Variants in MPZ observed in about 807,000 individuals in gnomAD.
MPZ encodes myelin protein P0.
In MPZ, 13 loss-of-function variants were observed where a neutral mutation model predicts 27.9. The ratio of observed to expected loss-of-function variants is 0.47; its 90% CI spans 0.30 to 0.74. The LOEUF (loss-of-function observed/expected upper bound fraction) is 0.74. Ranked by LOEUF, MPZ falls within the 30% of genes least tolerant of loss-of-function variation. MPZ has a pLI of 0.06. For synonymous variants in MPZ, 118 were observed against 128.9 expected (o/e 0.92, Z 0.57); for missense variants, 256 against 317.5 (o/e 0.81, Z 1.47).
rs765275777 is a variant in MPZ, at chr1:161,305,855, C to T, written c.*21G>A. 6.3e-7 allele frequency: 1 copy of T among 1,586,260 alleles called. No individual in the cohort carries two copies. Among genetic ancestry groups the T allele is most frequent in the Non-Finnish European group, 8.6e-7 (1 of 1,157,848 alleles). On this transcript the variant is annotated 3_prime_UTR_variant, in exon 6 of 6. Transcript: ENST00000533357. ...CGGACTCCACCCCTAACCCCCGATC[C>T]CCCGCCCGGCCCGCTAACCGCTATT...
chr1:161,309,553 T>TATATATATATATATATATA (rs1553259997), intron 1 of MPZ, among the ~76,000 whole-genome samples: 8 of 69,826 alleles, frequency 1.1e-4, no homozygotes, highest in Non-Finnish European at 1.8e-4. Flanking sequence ...TATATATATA[T>TATATATATATATATATATA]TTTTTTTTTT....
intron 1 of MPZ, among the ~76,000 whole-genome samples, chr1:161,309,520 A>G (rs1459042707): frequency 7.8e-6 from 1 of 128,784 alleles, no homozygotes; most frequent in Non-Finnish European, 1.6e-5. Flanking sequence ...CTCTAAATGC[A>G]TATTTTTTTC....
rs775114799 is a variant in MPZ at position 161,306,954 on chromosome 1, C to CATG, written c.235-34_235-33insCAT. On this transcript the variant is annotated intron_variant, in intron 2 of 5. Transcript: ENST00000533357. ...GAATGAGGGGAAGCATGTGAGAGGA[C>CATG]CCTAATGAGAACACAGCTGTCAAAG... The CATG allele has an allele frequency of 2.3e-5, 33 of 1,459,360 alleles. 1 individual carries two copies. In the South Asian group the frequency reaches 3.6e-4, roughly 16 times the overall value. 90.4% of individuals were successfully genotyped at this position (1,459,360 alleles called of 1,614,324 possible). A position where few individuals can be genotyped will look rare whatever the true frequency, so the allele number is the denominator to read the frequency against.
chr1:161,309,552 A>ATATATATATATATATTTTTT, intron 1 of MPZ, among the ~76,000 whole-genome samples: 4 of 80,646 alleles, frequency 5.0e-5, no homozygotes, highest in African/African-American at 2.3e-4. Flanking sequence ...ATATATATAT[A>ATATATATATATATATTTTTT]TTTTTTTTTT....
At chr1:161,308,253 A>G (rs1330205539) in intron 1 of MPZ, among the ~76,000 whole-genome samples, 2 of 152,192 alleles carry the variant, frequency 1.3e-5, no homozygotes, top group Non-Finnish European at 2.9e-5. Context: ...CTGGAGAGTC[A>G]GGAAGGGAAG....
rs121913584 is a variant in MPZ, at chr1:161,306,886, G to A, written c.270C>T (p.Asp90=). Residue 90 remains aspartate, a synonymous_variant, in exon 3 of 6, where the codon GAC becomes GAT. Transcript: ENST00000533357. ...TGCGCTCTTTGAAGGTCCCCACCTC[G>A]TCAATGTAGGGTTGTCCCTTGGCAT... ...FHYAKGQPYI[D]EVGTFKERIQ... 32 of 1,613,574 alleles carry A rather than the reference G, an allele frequency of 2.0e-5. No homozygotes were observed. The African/African-American group carries it at 3.5e-4, about 18-fold the overall frequency.
Position 161,304,837 on chromosome 1 carries a change from T to G in MPZ, c.*1039A>C, listed in dbSNP as rs1571815575. On this transcript the variant is annotated 3_prime_UTR_variant, in exon 6 of 6. Transcript: ENST00000533357. ...TCCTAAGAATCCCCTGTGGCTGCAG[T>G]GCAGCCTCTTCCTCCCCCCCGCCCC... The G allele has an allele frequency of 1.3e-5, 2 of 152,672 alleles. No individual in the cohort carries two copies. Among genetic ancestry groups the G allele is most frequent in the Admixed American group, 6.5e-5 (1 of 15,280 alleles). 9.5% of individuals were successfully genotyped at this position (152,672 alleles called of 1,614,324 possible). A position where few individuals can be genotyped will look rare whatever the true frequency, so the allele number is the denominator to read the frequency against.
rs946514874 is a variant in MPZ at position 161,306,319 on chromosome 1, C to T, written c.584+10G>A. The T allele has an allele frequency of 6.2e-7, 1 of 1,614,160 alleles. No individual in the cohort carries two copies. ...GGAGAGGGGGAGGGGAGCTAGGCTC[C>T]GCCCCTTACCTGAGCCTCCTCTGCA... On this transcript the variant is annotated intron_variant, in intron 4 of 5. Coordinates refer to ENST00000533357, the MANE Select transcript of MPZ (RefSeq NM_000530.8).
chr1:161,309,797 A>T (rs1351607559), intron 1 of MPZ, 42 bp downstream of exon 1: 1 of 1,503,214 alleles, frequency 6.7e-7, no homozygotes, highest in South Asian at 1.2e-5. Context: ...GCTGAGAGAC[A>T]CCTGAGTCCC....
chr1:161,308,664 A>G (rs1431579975), intron 1 of MPZ, among the ~76,000 whole-genome samples: 1 of 152,174 alleles, frequency 6.6e-6, no homozygotes, highest in Non-Finnish European at 1.5e-5. Flanking sequence ...TTGTTTAACA[A>G]GGGAGATAAT....
rs1571819182 is a variant in MPZ at position 161,306,860 on chromosome 1, A to G, written c.296T>C (p.Ile99Thr). 6.2e-7 allele frequency: 1 copy of G among 1,613,944 alleles called. No individual in the cohort carries two copies. The highest frequency in any genetic ancestry group is 8.5e-7 in the Non-Finnish European group (1 of 1,180,010). ...CCAGCGAGGGTCCCCTACCCACTGG[A>G]TGCGCTCTTTGAAGGTCCCCACCTC... ...IDEVGTFKER[I>T]QWVGDPRWKD... Residue 99 changes from isoleucine to threonine, a missense_variant, in exon 3 of 6, where the codon ATC (isoleucine) becomes ACC (threonine). By Grantham distance (89) the Ile-to-Thr change is moderately conservative. This residue lies in a region of MPZ where 155 missense variants were observed against 223.9 expected (regional missense o/e 0.69). Coordinates refer to ENST00000533357, the MANE Select transcript of MPZ (RefSeq NM_000530.8).
intron 1 of MPZ, among the ~76,000 whole-genome samples, chr1:161,309,567 G>GAATTTTTTTT (rs1670352724): frequency 3.8e-5 from 2 of 52,584 alleles, no homozygotes; most frequent in South Asian, 4.7e-4. Flanking sequence ...TTTTTTTTTT[G>GAATTTTTTTT]AATTTTACAG....
Position 161,306,454 on chromosome 1 carries a change from C to G in MPZ, c.459G>C (p.Arg153Ser). 1.2e-6 allele frequency: 2 copies of G among 1,614,230 alleles called. No individual in the cohort carries two copies. Among genetic ancestry groups the G allele is most frequent in the Non-Finnish European group, 1.7e-6 (2 of 1,180,048 alleles). ...TCACAGCTCCCAGAACGACCCCGTA[C>G]CTAGTTGGCACTAGGAGGGGTGGGA... ...TLYVFEKVPT[R>S]YGVVLGAVIG... is the part of the protein sequence containing the mutation. The change falls in exon 4 of 6, where the codon AGG (arginine) becomes AGC (serine). Residue 153 changes from arginine (R) to serine (S), a missense_variant. Coordinates refer to ENST00000533357, the MANE Select transcript of MPZ (RefSeq NM_000530.8).
chr1:161,306,397 C>T lies in MPZ; in HGVS notation c.516G>A (p.Leu172=), dbSNP rs746808512. 2 of 1,614,214 alleles carry T rather than the reference C, an allele frequency of 1.2e-6. No homozygotes were observed. Among genetic ancestry groups the T allele is most frequent in the African/African-American group, 1.3e-5 (1 of 75,050 alleles). The change falls in exon 4 of 6, where the codon CTG becomes CTA. Residue 172 remains leucine, a synonymous_variant. Transcript: ENST00000533357. ...IGGVLGVVLL[L]LLLFYVVRYC... is the part of the protein sequence containing the mutation. ...ACCGAACCACGTAGAAAAGCAGCAG[C>T]AGCAACAGCACCACCCCGAGGACAC...
At chr1:161,308,042 A>G (rs1670305536) in intron 1 of MPZ, among the ~76,000 whole-genome samples, 1 of 152,166 alleles carries the variant, frequency 6.6e-6, no homozygotes, top group Non-Finnish European at 1.5e-5. Context: ...CTTTTTGCTT[A>G]AGAACTTACG....
chr1:161,305,319 A>G lies in MPZ; in HGVS notation c.*557T>C, dbSNP rs1392518034. On this transcript the variant is annotated 3_prime_UTR_variant, in exon 6 of 6. Transcript: ENST00000533357. ...GCCACCTGGTAGAGGGGAGGGAGGG[A>G]CGGGAGAGGAAACAGCCAGGGGGAC... 1.3e-5 allele frequency: 2 copies of G among 154,428 alleles called. No homozygotes were observed. The highest frequency in any genetic ancestry group is 2.9e-5 in the Non-Finnish European group (2 of 69,612). 9.6% of individuals were successfully genotyped at this position (154,428 alleles called of 1,614,324 possible). A position where few individuals can be genotyped will look rare whatever the true frequency, so the allele number is the denominator to read the frequency against.
At chr1:161,304,273 A>T (rs1468933375), downstream of MPZ, among the ~76,000 whole-genome samples, 1 of 152,236 alleles carries the variant, frequency 6.6e-6, no homozygotes, top group East Asian at 1.9e-4. Context: ...CTTAATATTT[A>T]GTTGTATATC....
At chr1:161,309,766 G>A in intron 1 of MPZ, 73 bp downstream of exon 1, 1 of 1,198,320 alleles carries the variant, frequency 8.3e-7, no homozygotes, top group Non-Finnish European at 1.2e-6. Flanking sequence ...AGTGGGGAGT[G>A]CAGCAAAGGC....
chr1:161,303,782 TAA>T (rs1271756116), downstream of MPZ, among the ~76,000 whole-genome samples: 3 of 152,230 alleles, frequency 2.0e-5, no homozygotes, highest in Non-Finnish European at 4.4e-5. Context: ...GGGTTGTGAC[TAA>T]GTTTCCTCTC....
Sources: allele counts gnomAD v4.1 joint callset (sites outside exome capture counted in the v4.1 genomes callset), GRCh38; gene constraint gnomAD v4.1.1; regional missense constraint gnomAD v4.1.1; transcripts MANE v1.5; gene names NCBI Gene and HGNC (gene_info 2026-07-23, HGNC 2026-07-21).